The following PREPL variants were observed in gnomAD, a reference collection of about 807,000 sequenced individuals.
The protein encoded by PREPL is prolyl endopeptidase like, also known as prolyl endopeptidase-like.
In PREPL, 77 loss-of-function variants were observed where a neutral mutation model predicts 70.6. The ratio of observed to expected loss-of-function variants is 1.09; its 90% confidence interval spans 0.91 to 1.32. The LOEUF (loss-of-function observed/expected upper bound fraction) is 1.32, where lower values mean the gene tolerates loss of function less well. Ranked by LOEUF, PREPL falls within the 40% of genes most tolerant of loss-of-function variation. The pLI is 0.00. For missense variants in PREPL, 1,002 were observed against 778.2 expected (o/e 1.29, Z -3.42); for synonymous variants, 315 against 264.8 (o/e 1.19, Z -1.84).
Position 44,356,515 on chromosome 2 carries a change from G to A in PREPL, c.-49+4865C>T, listed in dbSNP as rs149213259. On this transcript the variant is annotated intron_variant, in intron 1 of 13. Transcript: ENST00000409411. ...AGCCAAGATCATGCCATTGCACTCCGGCCTGGGCAACAAAGCAAGACTCCG... is the reference window on the plus strand; with the variant it reads ...AGCCAAGATCATGCCATTGCACTCCAGCCTGGGCAACAAAGCAAGACTCCG... The A allele has an allele frequency of 8.0e-3, 1,220 of 152,200 alleles. 15 individuals are homozygous for A. Among genetic ancestry groups the A allele is most frequent in the African/African-American group, 0.028 (1,153 of 41,096 alleles). The allele number at this position is 152,200 out of a possible 1,614,324, so 9.4% of individuals were successfully genotyped here.
In PREPL at chr2:44,318,788, G is replaced by A. The variant is rs1055943539; in HGVS notation, c.*2568C>T. 2.0e-5 allele frequency: 3 copies of A among 152,222 alleles called. No individual in the cohort carries two copies. The highest frequency in any genetic ancestry group is 6.5e-5 in the Admixed American group (1 of 15,286). The allele number at this position is 152,222 out of a possible 1,614,324, so 9.4% of individuals were successfully genotyped here. ...TCAGGCTTGGAAGTATTTAATAGCA[G>A]ACAAAATATAGTTCAATATGAAAAG... On this transcript the variant is annotated 3_prime_UTR_variant, in exon 14 of 14. Transcript: ENST00000409411.
At position 44,339,118 on chromosome 2, in the gene PREPL, AAATAGGAACAACGAGCATCCAGG is replaced by A; in HGVS notation, c.702+6_702+28del. ...GAAGTGTGACACTTCTTAACAGCCC[AAATAGGAACAACGAGCATCCAGG>A]ATTACCTTAAATTCTGTAGGTTCTC... On this transcript the variant is annotated splice_donor_region_variant and intron_variant, in intron 6 of 13. Coordinates refer to ENST00000409411, the MANE Select transcript of PREPL (RefSeq NM_001171613.2). 6.2e-7 allele frequency: 1 copy of A among 1,611,530 alleles called. No homozygotes were observed. Among genetic ancestry groups the A allele is most frequent in the Non-Finnish European group, 8.5e-7 (1 of 1,178,182 alleles).
intron 8 of PREPL, among the ~76,000 whole-genome samples, chr2:44,331,615 A>G (rs1290902891): frequency 6.6e-6 from 1 of 152,156 alleles, no homozygotes; most frequent in Admixed American, 6.5e-5. Flanking sequence ...TAGTGGTCTT[A>G]CCTGAGACAT....
Position 44,342,485 on chromosome 2 carries a change from A to T in PREPL, c.417T>A (p.His139Gln). Reference protein sequence around the residue: ...FYTFQRNLRCHDVYRATFGDN... With the variant: ...FYTFQRNLRCQDVYRATFGDN... ...CACCAAAAGTGGCTCGATATACGTC[A>T]TGACAGCGAAGGTTCCTCTGGAAGG... Residue 139 changes from histidine to glutamine, a missense_variant, in exon 5 of 14, where the codon CAT (histidine) becomes CAA (glutamine). Coordinates refer to ENST00000409411, the MANE Select transcript of PREPL (RefSeq NM_001171613.2). The T allele has an allele frequency of 6.2e-7, 1 of 1,613,206 alleles. No homozygotes were observed. The highest frequency in any genetic ancestry group is 8.5e-7 in the Non-Finnish European group (1 of 1,179,386).
chr2:44,345,445 G>C (rs1675694756), intron 2 of PREPL, among the ~76,000 whole-genome samples: 1 of 151,940 alleles, frequency 6.6e-6, no homozygotes, highest in Admixed American at 6.6e-5. Context: ...TCTGCATCCT[G>C]AGTTCAAGTG....
chr2:44,320,470 G>T lies in PREPL; in HGVS notation c.*886C>A. On this transcript the variant is annotated 3_prime_UTR_variant, in exon 14 of 14. Coordinates refer to ENST00000409411, the MANE Select transcript of PREPL (RefSeq NM_001171613.2). ...TTAAGTACCAATTCTGCCGACAAAG[G>T]CAGTAAAGTTGATACAAGTGGCATT... 6.2e-7 allele frequency: 1 copy of T among 1,614,122 alleles called. No homozygotes were observed. The highest frequency in any genetic ancestry group is 1.3e-5 in the African/African-American group (1 of 75,046).
intron 9 of PREPL, among the ~76,000 whole-genome samples, chr2:44,327,761 G>T (rs1310538930): frequency 1.3e-5 from 2 of 152,054 alleles, no homozygotes; most frequent in African/African-American, 2.4e-5. Flanking sequence ...TACTCGGGAG[G>T]CTGAGGCAAG....
At chr2:44,323,223 G>T in intron 11 of PREPL, 39 bp downstream of exon 11, 2 of 1,510,348 alleles carry the variant, frequency 1.3e-6, no homozygotes, top group Non-Finnish European at 1.8e-6. Flanking sequence ...TATCTTCTGT[G>T]TAAATTCAGG....
At chr2:44,346,242 T>G in intron 2 of PREPL, 26 bp downstream of exon 2, 1 of 1,589,190 alleles carries the variant, frequency 6.3e-7, no homozygotes, top group Non-Finnish European at 8.6e-7. Context: ...TCAAAAATTT[T>G]TTTTTAAAGA....
chr2:44,336,919 A>C (rs1225350014), intron 7 of PREPL, among the ~76,000 whole-genome samples: 1 of 152,048 alleles, frequency 6.6e-6, no homozygotes, highest in Non-Finnish European at 1.5e-5. Flanking sequence ...GTTATTTCTT[A>C]TTTATACCAA....
chr2:44,359,846 C>T, intron 1 of PREPL: 1 of 631,686 alleles, frequency 1.6e-6, no homozygotes, highest in East Asian at 2.7e-5. Flanking sequence ...TTTTCAGGGC[C>T]ATGCCCCACT....
rs1672899372 is a variant in PREPL at position 44,321,085 on chromosome 2, A to G, written c.*271T>C. On this transcript the variant is annotated 3_prime_UTR_variant, in exon 14 of 14. Coordinates refer to ENST00000409411, the MANE Select transcript of PREPL (RefSeq NM_001171613.2). ...TGGAAGGGAGGCCTGGAGCTCTGCT[A>G]TCACCAATCCTTCCCTTCCCTCTAC... 1 of 437,634 alleles carries G rather than the reference A, an allele frequency of 2.3e-6. No homozygotes were observed. The highest frequency in any genetic ancestry group is 4.4e-5 in the East Asian group (1 of 22,752). 27.1% of individuals were successfully genotyped at this position (437,634 alleles called of 1,614,324 possible). A position where few individuals can be genotyped will look rare whatever the true frequency, so the allele number is the denominator to read the frequency against.
chr2:44,320,106 T>G lies in PREPL; in HGVS notation c.*1250A>C. 2 of 1,147,934 alleles carry G rather than the reference T, an allele frequency of 1.7e-6. No homozygotes were observed. The highest frequency in any genetic ancestry group is 2.5e-6 in the Non-Finnish European group (2 of 806,962). The allele number at this position is 1,147,934 out of a possible 1,614,324, so 71.1% of individuals were successfully genotyped here. A position where few individuals can be genotyped will look rare whatever the true frequency, so the allele number is the denominator to read the frequency against. ...ATAAGGGGCAAAATTGGAGCAAGTG[T>G]TTTGGGTAAATAACTCCTTACAATA... On this transcript the variant is annotated 3_prime_UTR_variant, in exon 14 of 14. Coordinates refer to ENST00000409411, the MANE Select transcript of PREPL (RefSeq NM_001171613.2).
chr2:44,321,718 G>C (rs780814861), intron 13 of PREPL, 109 bp downstream of exon 13: 12 of 1,597,100 alleles, frequency 7.5e-6, no homozygotes, highest in South Asian at 2.2e-5. Context: ...CCATAGATAG[G>C]ACATTTGTGA....
chr2:44,344,407 C>G (rs1675558130), intron 3 of PREPL, 113 bp downstream of exon 3: 3 of 853,012 alleles, frequency 3.5e-6, no homozygotes, highest in Non-Finnish European at 5.2e-6. Context: ...AAAAAAAATT[C>G]AGAAATAATC....
intron 1 of PREPL, among the ~76,000 whole-genome samples, chr2:44,355,134 C>T (rs2582919): frequency 0.86 from 130,395 of 151,928 alleles, 56,225 homozygotes; most frequent in African/African-American, 0.93. Flanking sequence ...CCATTCTCAA[C>T]AGCCTCCAAT....
Position 44,326,719 on chromosome 2 carries a change from G to T in PREPL, c.1472C>A (p.Thr491Asn). 6.2e-7 allele frequency: 1 copy of T among 1,613,346 alleles called. No individual in the cohort carries two copies. The highest frequency in any genetic ancestry group is 2.2e-5 in the East Asian group (1 of 44,884). Residue 491 changes from threonine (T) to asparagine (N), a missense_variant, in exon 10 of 14, where the codon ACT becomes AAT. Physicochemically the swap from Thr to Asn is moderately conservative, Grantham distance 65 (BLOSUM62 0). Coordinates refer to ENST00000409411, the MANE Select transcript of PREPL (RefSeq NM_001171613.2). The part of the protein sequence containing the change: ...NSNPELVRAV[T>N]LEAPFLDVLN... ...GAGACAGAGCGTACTCACCTCCAAAGTCACCGCTCTCACCAGCTCTGGATT... is the reference window on the plus strand; with the variant it reads ...GAGACAGAGCGTACTCACCTCCAAATTCACCGCTCTCACCAGCTCTGGATT...
In PREPL at chr2:44,326,969, G is replaced by A. The variant is rs777040650; in HGVS notation, c.1263-41C>T. 20 of 1,533,440 alleles carry A rather than the reference G, an allele frequency of 1.3e-5. No homozygotes were observed. The South Asian group carries it at 2.2e-4, about 17-fold the overall frequency. The allele number at this position is 1,533,440 out of a possible 1,614,324, so 95.0% of individuals were successfully genotyped here. A position where few individuals can be genotyped will look rare whatever the true frequency, so the allele number is the denominator to read the frequency against. ...AAAAAAGTTTTAGTGGAAAAAAAAA[G>A]TTAATACTGTAGGCTGGGGTCAGCG... On this transcript the variant is annotated intron_variant, in intron 9 of 13. Coordinates refer to ENST00000409411, the MANE Select transcript of PREPL (RefSeq NM_001171613.2).
At chr2:44,334,359 A>G (rs1299092556) in intron 7 of PREPL, among the ~76,000 whole-genome samples, 1 of 152,214 alleles carries the variant, frequency 6.6e-6, no homozygotes, top group East Asian at 1.9e-4. Flanking sequence ...TGGCCTGAAT[A>G]TGCAGACTCC....
Sources: allele counts gnomAD v4.1 joint callset (sites outside exome capture counted in the v4.1 genomes callset), GRCh38; gene constraint gnomAD v4.1.1; transcripts MANE v1.5; gene names NCBI Gene and HGNC (gene_info 2026-07-23, HGNC 2026-07-21).